The following TSHR variants were observed in gnomAD, a reference collection of about 807,000 sequenced individuals.
TSHR encodes thyrotropin receptor.
Under a neutral mutation model 64.1 loss-of-function variants are expected in TSHR, and 51 were observed. The observed-to-expected ratio is 0.80, with a 90% CI of 0.64 to 1.01. The LOEUF (loss-of-function observed/expected upper bound fraction) is 1.01, where lower values mean the gene tolerates loss of function less well. TSHR is among the 50% of genes least tolerant of loss of function. The pLI, the probability that TSHR is intolerant of heterozygous loss-of-function variation, is 0.00. For synonymous variants in TSHR, 361 were observed against 361.9 expected (o/e 1.00, Z 0.03); for missense variants, 877 against 942.8 (o/e 0.93, Z 0.91).
intron 2 of TSHR, among the ~76,000 whole-genome samples, chr14:81,062,470 G>A (rs981791601): frequency 3.3e-5 from 5 of 151,738 alleles, no homozygotes; most frequent in Non-Finnish European, 5.9e-5. Context: ...CATAATTCTC[G>A]ATGTATTTTA....
At position 80,961,644 on chromosome 14, in the gene TSHR, C is replaced by T. The variant is rs188585086; in HGVS notation, c.170+5794C>T. ...AGGTGAATTCTGATGTCCTTGGGAG[C>T]AGTTTCTATGCACACACAAAAAAAA... On this transcript the variant is annotated intron_variant, in intron 1 of 9. Transcript: ENST00000298171. 2.0e-3 allele frequency among the ~76,000 whole-genome samples: 298 copies of T among 152,232 alleles called. 1 individual carries two copies. Among genetic ancestry groups the T allele is most frequent in the African/African-American group, 7.0e-3 (292 of 41,548 alleles).
chr14:81,072,800 A>G (rs1887179265), intron 3 of TSHR, among the ~76,000 whole-genome samples: 1 of 147,812 alleles, frequency 6.8e-6, no homozygotes, highest in Non-Finnish European at 1.5e-5. Flanking sequence ...GATCGAGACC[A>G]TCCCGGCTAA....
intron 8 of TSHR, among the ~76,000 whole-genome samples, chr14:81,112,560 C>G (rs143881689): frequency 3.9e-5 from 6 of 152,224 alleles, no homozygotes; most frequent in Admixed American, 3.9e-4. Context: ...TTCTTGCTCC[C>G]TCTCATTCCT....
intron 1 of TSHR, among the ~76,000 whole-genome samples, chr14:80,988,534 A>C (rs1200599704): frequency 6.6e-6 from 1 of 152,174 alleles, no homozygotes; most frequent in Non-Finnish European, 1.5e-5. Context: ...ATTTGACCTG[A>C]GATTTGGACA....
At chr14:81,098,112 G>A (rs1226063143) in intron 7 of TSHR, among the ~76,000 whole-genome samples, 1 of 152,106 alleles carries the variant, frequency 6.6e-6, no homozygotes, top group African/African-American at 2.4e-5. Context: ...GCCATTCACT[G>A]GGAAAACACA....
rs114021123 is a variant in TSHR, at chr14:80,971,383, T to C, written c.170+15533T>C. Among the ~76,000 whole-genome samples, 818 of 152,328 alleles carry C rather than the reference T, an allele frequency of 5.4e-3. 14 individuals carry two copies. The highest frequency in any genetic ancestry group is 0.018 in the African/African-American group (754 of 41,586). Reference sequence around the variant, plus strand: ...CCCCTTGGGCAAAGCAGTGAATTGGTATTGCTATTGTTCCTAGATAAAGGT... The same window carrying C: ...CCCCTTGGGCAAAGCAGTGAATTGGCATTGCTATTGTTCCTAGATAAAGGT... On this transcript the variant is annotated intron_variant, in intron 1 of 9. Transcript: ENST00000298171.
chr14:80,981,687 C>A (rs112394285), intron 1 of TSHR, among the ~76,000 whole-genome samples: 4 of 152,248 alleles, frequency 2.6e-5, no homozygotes, highest in African/African-American at 9.6e-5. Context: ...TCATTTGGAT[C>A]CAAGGTCCAT....
intron 1 of TSHR, among the ~76,000 whole-genome samples, chr14:81,016,507 A>G (rs11847561): frequency 0.056 from 8,546 of 152,130 alleles, 763 homozygotes; most frequent in African/African-American, 0.19. Context: ...TTTCTTATAT[A>G]TACTGGATAT....
At chr14:80,996,320 C>T (rs1424274201) in intron 1 of TSHR, among the ~76,000 whole-genome samples, 6 of 152,092 alleles carry the variant, frequency 3.9e-5, no homozygotes, top group Admixed American at 3.3e-4. Flanking sequence ...TCCCTCTTTC[C>T]TCCCAGATTT....
intron 1 of TSHR, among the ~76,000 whole-genome samples, chr14:80,977,792 T>C (rs1446886447): frequency 6.6e-6 from 1 of 152,222 alleles, no homozygotes; most frequent in Non-Finnish European, 1.5e-5. Context: ...AAGCAATCTT[T>C]CTACAGTATT....
intron 8 of TSHR, among the ~76,000 whole-genome samples, chr14:81,134,834 A>G (rs1891390776): frequency 6.6e-6 from 1 of 152,234 alleles, no homozygotes; most frequent in Non-Finnish European, 1.5e-5. Flanking sequence ...AAAGGTCTTC[A>G]GATTGAAGGG....
intron 1 of TSHR, among the ~76,000 whole-genome samples, chr14:80,972,785 C>T (rs1008978198): frequency 6.6e-6 from 1 of 152,184 alleles, no homozygotes; most frequent in Non-Finnish European, 1.5e-5. Context: ...CTCCTCCCAG[C>T]CCCTGGAAAC....
chr14:81,114,230 C>G (rs539550898), intron 8 of TSHR, among the ~76,000 whole-genome samples: 2 of 152,160 alleles, frequency 1.3e-5, no homozygotes, highest in South Asian at 2.1e-4. Context: ...GTCAGCGACG[C>G]AGAAGACGGG....
rs534461076 is a variant in TSHR at position 80,986,431 on chromosome 14, C to T, written c.170+30581C>T. Among the ~76,000 whole-genome samples the T allele has an allele frequency of 6.6e-5, 10 of 152,282 alleles. No homozygotes were observed. The East Asian group carries it at 7.7e-4, about 12-fold the overall frequency. On this transcript the variant is annotated intron_variant, in intron 1 of 9. Transcript: ENST00000298171. Reference sequence around the variant, plus strand: ...TCAAATCTCAAAATTAGCTATTATACGTAGCTAACTCACTGTATATTTCCT... The same window carrying T: ...TCAAATCTCAAAATTAGCTATTATATGTAGCTAACTCACTGTATATTTCCT...
At chr14:81,108,529 G>T in intron 8 of TSHR, 77 bp downstream of exon 8, 8 of 1,215,972 alleles carry the variant, frequency 6.6e-6, no homozygotes, top group Non-Finnish European at 8.1e-6. Context: ...AGACATTAAG[G>T]GGAGAATCTT....
At chr14:81,032,158 T>C (rs1429873180) in intron 1 of TSHR, among the ~76,000 whole-genome samples, 2 of 152,146 alleles carry the variant, frequency 1.3e-5, no homozygotes, top group African/African-American at 2.4e-5. Flanking sequence ...TAGATATCAT[T>C]AAAAAGAACC....
chr14:81,036,909 G>A (rs879407796), intron 1 of TSHR, among the ~76,000 whole-genome samples: 6 of 152,118 alleles, frequency 3.9e-5, no homozygotes, highest in East Asian at 3.9e-4. Context: ...TTGGGAGGCC[G>A]AGGTGGGTGG....
rs764540009 is a variant in TSHR, at chr14:81,143,302, A to G, written c.1244A>G (p.Lys415Arg). The change falls in exon 10 of 10, where the codon AAG becomes AGG. Residue 415 changes from lysine to arginine, a missense_variant. Lys to Arg is a conservative substitution (Grantham distance 26). Transcript: ENST00000298171. ...FNPCEDIMGYKFLRIVVWFVS... is the reference protein window; with the variant it reads ...FNPCEDIMGYRFLRIVVWFVS... ...CCGTGTGAAGACATAATGGGCTACA[A>G]GTTCCTGAGAATTGTGGTGTGGTTC... The G allele has an allele frequency of 4.3e-6, 7 of 1,614,042 alleles. No individual in the cohort carries two copies. The African/African-American group carries it at 9.3e-5, about 22-fold the overall frequency.
chr14:81,131,396 G>T (rs544738799), intron 8 of TSHR, among the ~76,000 whole-genome samples: 4 of 152,264 alleles, frequency 2.6e-5, no homozygotes, highest in South Asian at 2.1e-4. Flanking sequence ...CAGCCAGCAT[G>T]ATCCTTTTTA....
Sources: allele counts gnomAD v4.1 joint callset (sites outside exome capture counted in the v4.1 genomes callset), GRCh38; gene constraint gnomAD v4.1.1; transcripts MANE v1.5; gene names NCBI Gene and HGNC (gene_info 2026-07-23, HGNC 2026-07-21).